SHISA9: variants seen among roughly 807,000 people sequenced by gnomAD.
SHISA9 encodes shisa family member 9.
In SHISA9, 13 loss-of-function variants were observed where a neutral mutation model predicts 38.0. That is an observed-to-expected ratio of 0.34 (90% confidence interval 0.22 to 0.54). SHISA9 has a LOEUF of 0.54. SHISA9 is among the 20% of genes least tolerant of loss of function. The pLI is 0.91. For missense variants in SHISA9, 538 were observed against 575.8 expected (o/e 0.93, Z 0.67); for synonymous variants, 275 against 242.0 (o/e 1.14, Z -1.27).
chr16:13,361,913 T>A, the SHISA9 span, among the ~76,000 whole-genome samples: 1 of 152,332 alleles, frequency 6.6e-6, no homozygotes, highest in East Asian at 1.9e-4. Flanking sequence ...AATTGTTCAT[T>A]ATCCTTTGTC....
intron 2 of SHISA9, among the ~76,000 whole-genome samples, chr16:13,110,465 A>G (rs1338116316): frequency 6.6e-6 from 1 of 152,220 alleles, no homozygotes; most frequent in Non-Finnish European, 1.5e-5. Flanking sequence ...GGGAGCTGGT[A>G]TGAAAAGAAT....
the SHISA9 span, among the ~76,000 whole-genome samples, chr16:13,266,724 G>C: frequency 6.6e-6 from 1 of 152,212 alleles, no homozygotes; most frequent in African/African-American, 2.4e-5. Context: ...TGAGTAGGTA[G>C]TGGTGGGTGG....
At chr16:13,016,160 A>G (rs745891045) in intron 2 of SHISA9, among the ~76,000 whole-genome samples, 2 of 150,806 alleles carry the variant, frequency 1.3e-5, no homozygotes, top group African/African-American at 2.4e-5. Flanking sequence ...TTGTATTTTT[A>G]GTAGAGACAG....
At chr16:13,010,606 T>C (rs527953112) in intron 2 of SHISA9, among the ~76,000 whole-genome samples, 2 of 152,334 alleles carry the variant, frequency 1.3e-5, no homozygotes, top group African/African-American at 4.8e-5. Flanking sequence ...TATCATCAAG[T>C]ACTACTGGGA....
At position 12,982,721 on chromosome 16, in the gene SHISA9, A is replaced by AGCATGGTG. The variant is rs1404418854; in HGVS notation, c.691+65907_691+65914dup. Among the ~76,000 whole-genome samples, 4 of 152,336 alleles carry AGCATGGTG rather than the reference A, an allele frequency of 2.6e-5. No homozygotes were observed. In the East Asian group the frequency reaches 7.7e-4, roughly 29 times the overall value. On this transcript the variant is annotated intron_variant, in intron 2 of 4. Transcript: ENST00000558583. ...AGCACTCCTTGTTTCTCTCAGCCACAGCATGGTGATGGTTTACTTATGTGT... is the reference window on the plus strand; with the variant it reads ...AGCACTCCTTGTTTCTCTCAGCCACAGCATGGTGGCATGGTGATGGTTTACTTATGTGT...
At chr16:13,156,375 G>A (rs1256556037) in intron 2 of SHISA9, among the ~76,000 whole-genome samples, 1 of 152,134 alleles carries the variant, frequency 6.6e-6, no homozygotes, top group Non-Finnish European at 1.5e-5. Context: ...TTAATTGTGT[G>A]TACACGCGTA....
At chr16:13,081,372 A>G (rs1248765140) in intron 2 of SHISA9, among the ~76,000 whole-genome samples, 1 of 152,208 alleles carries the variant, frequency 6.6e-6, no homozygotes. Context: ...ACTCTTTATC[A>G]TGGATGTAAA....
rs530510530 is a variant in SHISA9 at position 12,957,188 on chromosome 16, C to G, written c.691+40373C>G. On this transcript the variant is annotated intron_variant, in intron 2 of 4. Coordinates refer to ENST00000558583, the MANE Select transcript of SHISA9 (RefSeq NM_001145204.3). ...TCACAGCTCAGCAGAGGCACCTTGACATTCTTCTCTAGCAATGTCTTTCAA... is the reference window on the plus strand; with the variant it reads ...TCACAGCTCAGCAGAGGCACCTTGAGATTCTTCTCTAGCAATGTCTTTCAA... 7.2e-5 allele frequency among the ~76,000 whole-genome samples: 11 copies of G among 152,274 alleles called. No individual in the cohort carries two copies. The East Asian group carries it at 1.9e-3, about 27-fold the overall frequency.
chr16:13,130,847 C>T (rs1246001064), intron 2 of SHISA9, among the ~76,000 whole-genome samples: 1 of 152,140 alleles, frequency 6.6e-6, no homozygotes, highest in South Asian at 2.1e-4. Flanking sequence ...TGTTTGTTGG[C>T]TGCATGAATG....
chr16:12,940,500 A>G (rs2071596204), intron 2 of SHISA9, among the ~76,000 whole-genome samples: 1 of 151,054 alleles, frequency 6.6e-6, no homozygotes, highest in Non-Finnish European at 1.5e-5. Context: ...TGTCAAGCCA[A>G]TCAGGACTAG....
chr16:13,406,131 C>T, the SHISA9 span, among the ~76,000 whole-genome samples: 2 of 152,164 alleles, frequency 1.3e-5, no homozygotes, highest in Admixed American at 6.5e-5. Context: ...CCAGATGTGC[C>T]ACTCCTTGAC....
At chr16:13,435,620 GAA>G in the SHISA9 span, among the ~76,000 whole-genome samples, 1 of 151,748 alleles carries the variant, frequency 6.6e-6, no homozygotes, top group Admixed American at 6.6e-5. Context: ...AACCTGAGGG[GAA>G]AAAAAAGAGT....
At chr16:12,950,582 A>G (rs1184941200) in intron 2 of SHISA9, among the ~76,000 whole-genome samples, 1 of 151,974 alleles carries the variant, frequency 6.6e-6, no homozygotes, top group Admixed American at 6.6e-5. Context: ...TCCTCAAAAA[A>G]CGAAAAATAG....
At chr16:13,513,130 A>G in the SHISA9 span, among the ~76,000 whole-genome samples, 1 of 152,280 alleles carries the variant, frequency 6.6e-6, no homozygotes, top group Non-Finnish European at 1.5e-5. Context: ...TCTAATATCC[A>G]GAATCTACAA....
chr16:13,405,458 A>G, the SHISA9 span, among the ~76,000 whole-genome samples: 1 of 152,218 alleles, frequency 6.6e-6, no homozygotes, highest in Non-Finnish European at 1.5e-5. Context: ...CAGAACTGGA[A>G]GACATTTGTT....
At chr16:13,357,127 G>A in the SHISA9 span, among the ~76,000 whole-genome samples, 1 of 152,066 alleles carries the variant, frequency 6.6e-6, no homozygotes, top group Non-Finnish European at 1.5e-5. Flanking sequence ...GCAGAGAAGG[G>A]GTTGGGGCAC....
the SHISA9 span, among the ~76,000 whole-genome samples, chr16:13,318,267 C>A: frequency 6.6e-6 from 1 of 152,148 alleles, no homozygotes; most frequent in Non-Finnish European, 1.5e-5. Flanking sequence ...GTCTCTACTT[C>A]TAGATGCCAG....
chr16:13,130,101 A>G (rs535789916), intron 2 of SHISA9, among the ~76,000 whole-genome samples: 14 of 152,232 alleles, frequency 9.2e-5, no homozygotes, highest in African/African-American at 1.9e-4. Flanking sequence ...TGAGACCCCA[A>G]TGAAGGTCTA....
chr16:13,427,583 G>T, the SHISA9 span, among the ~76,000 whole-genome samples: 1 of 152,166 alleles, frequency 6.6e-6, no homozygotes, highest in South Asian at 2.1e-4. Context: ...AGACAGGAAG[G>T]ACATTCCAGG....
Sources: gnomAD v4.1 joint callset for allele counts (sites outside exome capture counted in the v4.1 genomes callset) on GRCh38, gnomAD v4.1.1 for gene constraint, MANE v1.5 for transcripts, NCBI Gene and HGNC (gene_info 2026-07-23, HGNC 2026-07-21) for gene names.